Variants in EHMT1 observed in about 807,000 individuals in gnomAD.
EHMT1 encodes the protein histone-lysine N-methyltransferase EHMT1.
EHMT1 carries 15 observed loss-of-function variants against 147.2 expected under a neutral mutation model. The observed-to-expected ratio is 0.10, with a 90% CI of 0.07 to 0.16. The LOEUF (loss-of-function observed/expected upper bound fraction) is 0.16. Among genes scored for constraint, EHMT1 ranks in the 10% least tolerant of loss-of-function variants. The probability of loss-of-function intolerance (pLI) is 1.00; values close to 1 mark genes in which losing one functional copy is unlikely to be tolerated. For synonymous variants in EHMT1, 795 were observed against 709.6 expected, an observed-to-expected ratio of 1.12 and a Z score of -1.91; for missense variants, 1,587 against 1,772.4, an observed-to-expected ratio of 0.90 and a Z score of 1.88.
chr9:137,758,986 G>A (rs1398050198), intron 9 of EHMT1, among the ~76,000 whole-genome samples: 1 of 152,086 alleles, frequency 6.6e-6, no homozygotes, highest in Admixed American at 6.5e-5. Context: ...AATTAGCCGG[G>A]CGTAGTGGCG....
rs781470751 is a variant in EHMT1 at position 137,710,982 on chromosome 9, G to T, written c.37G>T (p.Gly13Trp). ...AADAEAVPAR[G>W]EPQQDCCVKT... ...TCTCTAACAGGCAGTTCCGGCGAGG[G>T]GGGAGCCTCAGCAGGATTGCTGTGT... is the stretch of plus-strand genomic sequence containing the variant. Residue 13 changes from glycine to tryptophan, a missense_variant, in exon 2 of 27, where the codon GGG (glycine) becomes TGG (tryptophan). This residue lies in a region of EHMT1 where 810 missense variants were observed against 673.0 expected (regional missense o/e 1.20). Coordinates refer to ENST00000460843, the MANE Select transcript of EHMT1 (RefSeq NM_024757.5). 1 of 1,598,710 alleles carries T rather than the reference G, an allele frequency of 6.3e-7. No individual in the cohort carries two copies. The highest frequency in any genetic ancestry group is 1.1e-5 in the South Asian group (1 of 87,866).
chr9:137,805,665 C>CTT (rs869054500), intron 18 of EHMT1, among the ~76,000 whole-genome samples: 13 of 142,460 alleles, frequency 9.1e-5, no homozygotes, highest in African/African-American at 2.8e-4. Context: ...AGTCAGTGGT[C>CTT]TTTTTTTTTT....
chr9:137,658,182 A>G (rs1470010310), intron 1 of EHMT1, among the ~76,000 whole-genome samples: 2 of 152,038 alleles, frequency 1.3e-5, no homozygotes, highest in Non-Finnish European at 2.9e-5. Flanking sequence ...ATTTGGTCTC[A>G]CTTTGTCACC....
At chr9:137,639,353 A>AC (rs1353841156) in intron 1 of EHMT1, among the ~76,000 whole-genome samples, 1 of 152,204 alleles carries the variant, frequency 6.6e-6, no homozygotes, top group East Asian at 1.9e-4. Flanking sequence ...GGTTGATAGT[A>AC]TTAAGTCTTC....
In EHMT1 at chr9:137,695,581, C is replaced by T. The variant is rs540682199; in HGVS notation, c.22-15386C>T. ...GTCAATGAGTCTCAGCTGGAAGACTCGAACATGGGGGTGGTGTTAGTGTGG... is the reference window on the plus strand; with the variant it reads ...GTCAATGAGTCTCAGCTGGAAGACTTGAACATGGGGGTGGTGTTAGTGTGG... On this transcript the variant is annotated intron_variant, in intron 1 of 26. Coordinates refer to ENST00000460843, the MANE Select transcript of EHMT1 (RefSeq NM_024757.5). Among the ~76,000 whole-genome samples, 21 of 152,326 alleles carry T rather than the reference C, an allele frequency of 1.4e-4. No homozygotes were observed. The East Asian group carries it at 2.1e-3, about 15-fold the overall frequency.
At chr9:137,757,112 T>C (rs909138887) in intron 8 of EHMT1, among the ~76,000 whole-genome samples, 1 of 152,266 alleles carries the variant, frequency 6.6e-6, no homozygotes, top group African/African-American at 2.4e-5. Flanking sequence ...TGAATGCCCT[T>C]GTGATTACAA....
At chr9:137,815,600 A>G (rs1954857252) in intron 22 of EHMT1, 2 of 376,306 alleles carry the variant, frequency 5.3e-6, no homozygotes, top group Non-Finnish European at 1.0e-5. Context: ...GGAGGCCCCA[A>G]CCAGCTGAAG....
chr9:137,773,345 T>A (rs1950715159), intron 10 of EHMT1, among the ~76,000 whole-genome samples: 1 of 151,794 alleles, frequency 6.6e-6, no homozygotes, highest in South Asian at 2.1e-4. Context: ...TTTTTCAGGA[T>A]GTACATGCCC....
At chr9:137,680,042 C>A (rs991981579) in intron 1 of EHMT1, among the ~76,000 whole-genome samples, 1 of 152,142 alleles carries the variant, frequency 6.6e-6, no homozygotes, top group Admixed American at 6.5e-5. Context: ...AATGCCTCTA[C>A]GTTGTATCTG....
chr9:137,762,609 A>G (rs1949914989), intron 9 of EHMT1, 66 bp from the exon 10 acceptor site: 3 of 1,611,750 alleles, frequency 1.9e-6, no homozygotes, highest in South Asian at 1.1e-5. Flanking sequence ...ACTATAATCG[A>G]TCACTTTCTA....
intron 6 of EHMT1, chr9:137,745,613 C>G (rs1329368752): frequency 2.5e-6 from 1 of 398,502 alleles, no homozygotes. Flanking sequence ...CTGACTGCAC[C>G]GTGGGGAAGC....
At chr9:137,673,181 A>G (rs1394557433) in intron 1 of EHMT1, among the ~76,000 whole-genome samples, 1 of 152,154 alleles carries the variant, frequency 6.6e-6, no homozygotes, top group Non-Finnish European at 1.5e-5. Context: ...TAGAGTGTGT[A>G]GGAACCTCCC....
chr9:137,715,380 A>C (rs1945114235), intron 2 of EHMT1, among the ~76,000 whole-genome samples: 1 of 152,256 alleles, frequency 6.6e-6, no homozygotes, highest in South Asian at 2.1e-4. Context: ...ATTAGATGCC[A>C]GGCCTCGTTC....
At chr9:137,691,729 C>T (rs538138125) in intron 1 of EHMT1, among the ~76,000 whole-genome samples, 2 of 152,340 alleles carry the variant, frequency 1.3e-5, no homozygotes, top group Admixed American at 6.5e-5. Context: ...TAGCAGCACG[C>T]AAGGGTTCCA....
chr9:137,758,544 GT>G (rs1490668893), intron 9 of EHMT1, among the ~76,000 whole-genome samples: 1 of 152,190 alleles, frequency 6.6e-6, no homozygotes. Context: ...CTTTCTATCA[GT>G]TTTTTCTCTT....
At chr9:137,743,869 C>G in intron 5 of EHMT1, 33 bp from the exon 6 acceptor site, 2 of 1,590,556 alleles carry the variant, frequency 1.3e-6, no homozygotes, top group African/African-American at 1.3e-5. Context: ...CGCACTGATC[C>G]TGCCTTGGGG....
chr9:137,826,368 G>A (rs1330505219), intron 25 of EHMT1, among the ~76,000 whole-genome samples: 1 of 152,216 alleles, frequency 6.6e-6, no homozygotes, highest in Non-Finnish European at 1.5e-5. Flanking sequence ...AAGATGCACT[G>A]GGTCACCCCG....
At chr9:137,822,698 G>T (rs1378860585) in intron 25 of EHMT1, among the ~76,000 whole-genome samples, 5 of 152,072 alleles carry the variant, frequency 3.3e-5, no homozygotes, top group Admixed American at 2.0e-4. Context: ...TTCGAGACCA[G>T]CCTGACCAAC....
intron 1 of EHMT1, among the ~76,000 whole-genome samples, chr9:137,672,143 A>T (rs1940742672): frequency 6.6e-6 from 1 of 152,256 alleles, no homozygotes; most frequent in African/African-American, 2.4e-5. Flanking sequence ...GGCGTGCAGC[A>T]GGCGGTGTGA....
Sources: gnomAD v4.1 joint callset for allele counts (sites outside exome capture counted in the v4.1 genomes callset) on GRCh38, gnomAD v4.1.1 for gene constraint, gnomAD v4.1.1 regional missense constraint, MANE v1.5 for transcripts, NCBI Gene and HGNC (gene_info 2026-07-23, HGNC 2026-07-21) for gene names.